TCL1A: variants seen among roughly 807,000 people sequenced by gnomAD.
TCL1A encodes the protein T-cell leukemia/lymphoma protein 1A.
Under a neutral mutation model 16.9 loss-of-function variants are expected in TCL1A, and 9 were observed. The observed-to-expected ratio is 0.53, with a 90% CI of 0.32 to 0.93. TCL1A has a LOEUF of 0.93. TCL1A is among the 40% of genes least tolerant of loss of function. The probability of loss-of-function intolerance (pLI) is 0.04; values close to 1 mark genes in which losing one functional copy is unlikely to be tolerated. For missense variants in TCL1A, 139 were observed against 153.0 expected (o/e 0.91, Z 0.48); for synonymous variants, 69 against 63.2 (o/e 1.09, Z -0.44).
intron 1 of TCL1A, 60 bp downstream of exon 1, chr14:95,713,887 A>T (rs1886480904): frequency 6.2e-7 from 1 of 1,600,694 alleles, no homozygotes; most frequent in African/African-American, 1.3e-5. Flanking sequence ...TTCCTAGGGC[A>T]TCCCAAGCTC....
rs1886328508 is a variant in TCL1A, at chr14:95,710,824, C to T, written c.*64G>A. ...AAGGTGAACAGAAACACAACATCCC[C>T]ATTGTAGGCTGGCCAGGCTCAGGCC... On this transcript the variant is annotated 3_prime_UTR_variant, in exon 4 of 4. Coordinates refer to ENST00000402399, the MANE Select transcript of TCL1A (RefSeq NM_021966.3). 2 of 152,932 alleles carry T rather than the reference C, an allele frequency of 1.3e-5. No homozygotes were observed. Among genetic ancestry groups the T allele is most frequent in the Admixed American group, 6.5e-5 (1 of 15,294 alleles). The allele number at this position is 152,932 out of a possible 1,614,324, so 9.5% of individuals were successfully genotyped here.
At chr14:95,713,680 A>G (rs1237805751) in intron 1 of TCL1A, among the ~76,000 whole-genome samples, 2 of 152,292 alleles carry the variant, frequency 1.3e-5, no homozygotes, top group East Asian at 1.9e-4. Context: ...AGCCCAGAAA[A>G]TGCCTGCTGT....
intron 1 of TCL1A, among the ~76,000 whole-genome samples, chr14:95,713,307 T>G (rs910604870): frequency 6.6e-6 from 1 of 152,354 alleles, no homozygotes; most frequent in Admixed American, 6.5e-5. Flanking sequence ...TTGAACATTT[T>G]TTGACTCTTT....
chr14:95,713,506 T>C (rs567307767), intron 1 of TCL1A, among the ~76,000 whole-genome samples: 4 of 152,252 alleles, frequency 2.6e-5, no homozygotes, highest in East Asian at 1.9e-4. Flanking sequence ...TAGTGGAAAA[T>C]ACTTCACACT....
intron 2 of TCL1A, 130 bp from the exon 3 acceptor site, chr14:95,711,932 T>G (rs1595066013): frequency 1.7e-6 from 2 of 1,198,256 alleles, no homozygotes; most frequent in Non-Finnish European, 2.3e-6. Context: ...TCAGGGGCTC[T>G]TGGAGACTGC....
chr14:95,712,968 T>A (rs1886405343), intron 1 of TCL1A, among the ~76,000 whole-genome samples: 1 of 152,092 alleles, frequency 6.6e-6, no homozygotes, highest in Admixed American at 6.6e-5. Context: ...CTCAGAGATT[T>A]AAAAAAAGAA....
Position 95,714,075 on chromosome 14 carries a change from CG to C in TCL1A, c.-10del, listed in dbSNP as rs1281481514. 1 of 1,613,054 alleles carries C rather than the reference CG, an allele frequency of 6.2e-7. No individual in the cohort carries two copies. The highest frequency in any genetic ancestry group is 8.5e-7 in the Non-Finnish European group (1 of 1,179,932). On this transcript the variant is annotated 5_prime_UTR_variant, in exon 1 of 4. Transcript: ENST00000402399. ...GTCGGGCACTCGGCCATGGCGTCCT[CG>C]GGCCGCCTAAGAAGCAAGAGCCAGA...
intron 1 of TCL1A, among the ~76,000 whole-genome samples, 192 bp downstream of exon 1, chr14:95,713,755 G>C (rs184468562): frequency 2.0e-5 from 3 of 152,250 alleles, no homozygotes; most frequent in South Asian, 2.1e-4. Flanking sequence ...TTCCTTTGCG[G>C]TTTTCCCACC....
intron 1 of TCL1A, chr14:95,712,764 A>G: frequency 1.0e-6 from 1 of 977,006 alleles, no homozygotes; most frequent in South Asian, 1.4e-5. Context: ...TCACAGAGCG[A>G]GACCCTGTAT....
intron 1 of TCL1A, chr14:95,712,803 A>G: frequency 1.4e-6 from 1 of 694,108 alleles, no homozygotes; most frequent in Non-Finnish European, 2.2e-6. Context: ...ACAACAAAGA[A>G]AGAAAGAGAG....
intron 1 of TCL1A, among the ~76,000 whole-genome samples, chr14:95,713,573 A>G: frequency 6.6e-6 from 1 of 152,270 alleles, no homozygotes; most frequent in African/African-American, 2.4e-5. Flanking sequence ...TTCTTTTTAA[A>G]AATACAGATT....
chr14:95,713,911 C>T (rs949340643), intron 1 of TCL1A, 36 bp downstream of exon 1: 4 of 1,609,808 alleles, frequency 2.5e-6, no homozygotes, highest in Non-Finnish European at 2.5e-6. Context: ...GGGGCTGCCC[C>T]TGCTGCCTCG....
In TCL1A at chr14:95,710,692, A is replaced by C. The variant is rs776046557; in HGVS notation, c.*196T>G. 6.6e-6 allele frequency: 1 copy of C among 152,448 alleles called. No homozygotes were observed. Among genetic ancestry groups the C allele is most frequent in the Non-Finnish European group, 1.5e-5 (1 of 68,220 alleles). The allele number at this position is 152,448 out of a possible 1,614,324, so 9.4% of individuals were successfully genotyped here. On this transcript the variant is annotated 3_prime_UTR_variant, in exon 4 of 4. Transcript: ENST00000402399. ...CAGGAGTGGTAGTGCTAAGGCGAGCAGAGTGGGCTACAGGCAGGTCCTGCA... is the reference window on the plus strand; with the variant it reads ...CAGGAGTGGTAGTGCTAAGGCGAGCCGAGTGGGCTACAGGCAGGTCCTGCA...
intron 1 of TCL1A, among the ~76,000 whole-genome samples, chr14:95,713,357 A>T (rs533503156): frequency 1.3e-5 from 2 of 152,306 alleles, no homozygotes; most frequent in African/African-American, 4.8e-5. Context: ...AGACTTATCT[A>T]TTTCTTTAAC....
chr14:95,712,815 A>C, intron 1 of TCL1A: 1 of 629,892 alleles, frequency 1.6e-6, no homozygotes, highest in Non-Finnish European at 2.4e-6. Flanking sequence ...GAAAGAGAGA[A>C]AAAGAATACT....
chr14:95,713,547 C>G (rs1886442345), intron 1 of TCL1A, among the ~76,000 whole-genome samples: 1 of 152,202 alleles, frequency 6.6e-6, no homozygotes, highest in Non-Finnish European at 1.5e-5. Context: ...CCTGGTTGAC[C>G]CTAAACTGTT....
intron 3 of TCL1A, chr14:95,711,538 A>G (rs1886354037): frequency 1.1e-5 from 6 of 565,820 alleles, no homozygotes; most frequent in Admixed American, 3.0e-5. Flanking sequence ...AGATATGAGC[A>G]GCTGCGATAA....
Position 95,712,342 on chromosome 14 carries a change from C to T in TCL1A, c.175G>A (p.Gly59Arg). 6.2e-7 allele frequency: 1 copy of T among 1,613,882 alleles called. No individual in the cohort carries two copies. Reference protein sequence around the residue: ...VLLRREDVVLGRPMTPTQIGP... With the variant: ...VLLRREDVVLRRPMTPTQIGP... ...ATCTGGGTGGGGGTCATAGGCCTCC[C>T]CAGGACGACGTCTTCCCGACGCAAG... The change falls in exon 2 of 4, where the codon GGG becomes AGG. Residue 59 changes from glycine (G) to arginine (R), a missense_variant. This residue lies in a region of TCL1A where 94 missense variants were observed against 80.2 expected (regional missense o/e 1.17). Transcript: ENST00000402399.
chr14:95,713,317 T>C (rs1255047551), intron 1 of TCL1A, among the ~76,000 whole-genome samples: 3 of 152,214 alleles, frequency 2.0e-5, no homozygotes, highest in African/African-American at 7.2e-5. Flanking sequence ...TTTGACTCTT[T>C]TTCATTGAGT....
Sources: allele counts gnomAD v4.1 joint callset (sites outside exome capture counted in the v4.1 genomes callset), GRCh38; gene constraint gnomAD v4.1.1; regional missense constraint gnomAD v4.1.1; transcripts MANE v1.5; gene names NCBI Gene and HGNC (gene_info 2026-07-23, HGNC 2026-07-21).